CA10: variants seen among roughly 807,000 people sequenced by gnomAD.
CA10 encodes carbonic anhydrase-related protein 10.
In CA10, 14 loss-of-function variants were observed where a neutral mutation model predicts 44.2. The ratio of observed to expected loss-of-function variants is 0.32; its 90% CI spans 0.21 to 0.50. The LOEUF (loss-of-function observed/expected upper bound fraction) is 0.50. Ranked by LOEUF, CA10 falls within the 20% of genes least tolerant of loss-of-function variation. The pLI is 0.99. For synonymous variants in CA10, 159 were observed against 141.6 expected (o/e 1.12, Z -0.87); for missense variants, 350 against 409.7 (o/e 0.85, Z 1.26).
intron 4 of CA10, among the ~76,000 whole-genome samples, chr17:51,694,062 G>C (rs1382343442): frequency 2.0e-5 from 3 of 152,112 alleles, no homozygotes; most frequent in Non-Finnish European, 2.9e-5. Context: ...AAATTAGCTA[G>C]GCGTGGTGGT....
intron 6 of CA10, among the ~76,000 whole-genome samples, chr17:51,638,451 G>A (rs146766595): frequency 7.2e-5 from 11 of 152,366 alleles, no homozygotes; most frequent in Non-Finnish European, 1.3e-4. Flanking sequence ...GAGAGACACA[G>A]TGATTGGAAT....
At position 51,772,391 on chromosome 17, in the gene CA10, G is replaced by A. The variant is rs151274492; in HGVS notation, c.280-24573C>T. ...TTGCTTATTATTTTACAATGAAAGTGCTGAATGATACGAAGCAAAAAAAAG... is the reference window on the plus strand; with the variant it reads ...TTGCTTATTATTTTACAATGAAAGTACTGAATGATACGAAGCAAAAAAAAG... On this transcript the variant is annotated intron_variant, in intron 3 of 8. Transcript: ENST00000451037. Among the ~76,000 whole-genome samples the A allele has an allele frequency of 1.2e-4, 18 of 152,278 alleles. No homozygotes were observed. The East Asian group carries it at 3.5e-3, about 29-fold the overall frequency.
chr17:51,663,992 T>C (rs1914114006), intron 4 of CA10, among the ~76,000 whole-genome samples: 1 of 152,236 alleles, frequency 6.6e-6, no homozygotes, highest in Non-Finnish European at 1.5e-5. Flanking sequence ...CAAATACCTT[T>C]TCTCTTTTAG....
At chr17:51,960,684 T>C (rs1339536248) in intron 2 of CA10, among the ~76,000 whole-genome samples, 2 of 152,118 alleles carry the variant, frequency 1.3e-5, no homozygotes, top group African/African-American at 4.8e-5. Flanking sequence ...GACCATCTGA[T>C]CATAGCAAAA....
At chr17:51,727,170 T>C (rs915023657) in intron 4 of CA10, among the ~76,000 whole-genome samples, 1 of 152,232 alleles carries the variant, frequency 6.6e-6, no homozygotes, top group South Asian at 2.1e-4. Flanking sequence ...GACTATCTCC[T>C]ACCAGAGCCT....
chr17:52,155,524 A>G (rs1989786210), intron 1 of CA10, among the ~76,000 whole-genome samples: 1 of 152,208 alleles, frequency 6.6e-6, no homozygotes, highest in African/African-American at 2.4e-5. Context: ...TCATATTACT[A>G]ATAATAATTC....
At chr17:51,675,022 A>T (rs1567798528) in intron 4 of CA10, among the ~76,000 whole-genome samples, 1 of 152,184 alleles carries the variant, frequency 6.6e-6, no homozygotes, top group African/African-American at 2.4e-5. Flanking sequence ...CATCTTCAGC[A>T]CACAGCCTGT....
intron 3 of CA10, among the ~76,000 whole-genome samples, chr17:51,887,549 C>T (rs1980663034): frequency 6.6e-6 from 1 of 152,174 alleles, no homozygotes; most frequent in Admixed American, 6.5e-5. Flanking sequence ...CCTTGCTCTG[C>T]CAATTACTTT....
intron 7 of CA10, among the ~76,000 whole-genome samples, chr17:51,634,365 T>A (rs4794284): frequency 0.45 from 68,522 of 152,030 alleles, 15,656 homozygotes; most frequent in South Asian, 0.57. Context: ...GTGGGTCCCA[T>A]TCAATACAGA....
At position 51,895,060 on chromosome 17, in the gene CA10, C is replaced by T. The variant is rs1981011879; in HGVS notation, c.279+35930G>A. On this transcript the variant is annotated intron_variant, in intron 3 of 8. Coordinates refer to ENST00000451037, the MANE Select transcript of CA10 (RefSeq NM_020178.5). ...TTTGGTATAAATGAATTATTATTCT[C>T]ATCACTGAGCCCATTATTTATTTGA... 2.6e-5 allele frequency among the ~76,000 whole-genome samples: 4 copies of T among 152,038 alleles called. No individual in the cohort carries two copies. The South Asian group carries it at 8.3e-4, about 32-fold the overall frequency.
intron 1 of CA10, among the ~76,000 whole-genome samples, chr17:52,151,967 G>T (rs1482803169): frequency 6.6e-6 from 1 of 152,042 alleles, no homozygotes; most frequent in Non-Finnish European, 1.5e-5. Context: ...CTGTATTCCA[G>T]ATACCACATT....
chr17:51,701,109 A>C (rs1915585409), intron 4 of CA10, among the ~76,000 whole-genome samples: 1 of 152,076 alleles, frequency 6.6e-6, no homozygotes, highest in Non-Finnish European at 1.5e-5. Context: ...TTTTTTCAAA[A>C]GTCTGATATC....
intron 2 of CA10, among the ~76,000 whole-genome samples, chr17:51,950,382 T>C (rs1983435412): frequency 1.3e-5 from 2 of 152,186 alleles, no homozygotes; most frequent in Admixed American, 6.5e-5. Context: ...TACATTCAAC[T>C]GGGCTCCCCT....
chr17:51,989,803 C>G (rs1984977527), intron 2 of CA10, among the ~76,000 whole-genome samples: 1 of 152,138 alleles, frequency 6.6e-6, no homozygotes, highest in Non-Finnish European at 1.5e-5. Flanking sequence ...CAATCATTTT[C>G]TAGAAGCTCT....
intron 1 of CA10, among the ~76,000 whole-genome samples, chr17:52,086,081 C>T (rs558128999): frequency 6.6e-6 from 1 of 152,136 alleles, no homozygotes; most frequent in Non-Finnish European, 1.5e-5. Context: ...AGAACATACT[C>T]ATTATGTTTG....
chr17:52,079,558 T>C lies in CA10; in HGVS notation c.62-7165A>G, dbSNP rs552851839. 3.9e-5 allele frequency among the ~76,000 whole-genome samples: 6 copies of C among 152,232 alleles called. No homozygotes were observed. The East Asian group carries it at 5.8e-4, about 15-fold the overall frequency. On this transcript the variant is annotated intron_variant, in intron 1 of 8. Transcript: ENST00000451037. ...CCTGATAAACGTGGTAGTGAAGTTG[T>C]ATATTATACCAACTTGCAGTCCAGC... is the stretch of plus-strand genomic sequence containing the variant.
At chr17:51,783,262 A>G (rs1906130007) in intron 3 of CA10, among the ~76,000 whole-genome samples, 1 of 152,260 alleles carries the variant, frequency 6.6e-6, no homozygotes, top group Non-Finnish European at 1.5e-5. Context: ...TTAGAGAAGT[A>G]TGAAAGCTCA....
chr17:51,784,308 C>T (rs979180604), intron 3 of CA10, among the ~76,000 whole-genome samples: 4 of 152,074 alleles, frequency 2.6e-5, no homozygotes, highest in Non-Finnish European at 4.4e-5. Flanking sequence ...CCCAGGAGAA[C>T]CCTGCAGCAC....
At chr17:51,747,161 C>T (rs1398376593) in intron 4 of CA10, among the ~76,000 whole-genome samples, 1 of 152,176 alleles carries the variant, frequency 6.6e-6, no homozygotes, top group African/African-American at 2.4e-5. Flanking sequence ...TGCAGAAACT[C>T]AGGAAAACTA....
Sources: gnomAD v4.1 joint callset for allele counts (sites outside exome capture counted in the v4.1 genomes callset) on GRCh38, gnomAD v4.1.1 for gene constraint, MANE v1.5 for transcripts, NCBI Gene and HGNC (gene_info 2026-07-23, HGNC 2026-07-21) for gene names.